The following MROH2B variants were observed in gnomAD, a reference collection of about 807,000 sequenced individuals.
The protein encoded by MROH2B is maestro heat like repeat family member 2B, also known as maestro heat-like repeat-containing protein family member 2B.
A neutral mutation model predicts 208.6 loss-of-function variants in MROH2B; 177 were observed. The observed-to-expected ratio is 0.85, with a 90% CI of 0.75 to 0.96. MROH2B has a LOEUF of 0.96. Among genes scored for constraint, MROH2B ranks in the 40% least tolerant of loss-of-function variants. The pLI, the probability that MROH2B is intolerant of heterozygous loss-of-function variation, is 0.00. For synonymous variants in MROH2B, 728 were observed against 659.0 expected, an observed-to-expected ratio of 1.10 and a Z score of -1.60; for missense variants, 2,002 against 1,878.7, an observed-to-expected ratio of 1.07 and a Z score of -1.21.
rs768549480 is a variant in MROH2B at position 41,018,674 on chromosome 5, G to T, written c.2673+17C>A. On this transcript the variant is annotated intron_variant, in intron 26 of 41. Transcript: ENST00000399564. ...TTAGGGAGAATGAGAATCAGTTTGA[G>T]TGGAGGCTCTACTCACATTAAACAT... The T allele has an allele frequency of 6.2e-7, 1 of 1,610,578 alleles. No homozygotes were observed. Among genetic ancestry groups the T allele is most frequent in the Non-Finnish European group, 8.5e-7 (1 of 1,177,006 alleles).
At position 41,030,090 on chromosome 5, in the gene MROH2B, A is replaced by T. The variant is rs186473342; in HGVS notation, c.2441+2652T>A. Among the ~76,000 whole-genome samples, 613 of 99,864 alleles carry T rather than the reference A, an allele frequency of 6.1e-3. 7 individuals are homozygous for T. Among genetic ancestry groups the T allele is most frequent in the African/African-American group, 0.017 (553 of 32,512 alleles). 65.5% of individuals were successfully genotyped at this position (99,864 alleles called of 152,430 possible). A position where few individuals can be genotyped will look rare whatever the true frequency, so the allele number is the denominator to read the frequency against. Reference sequence around the variant, plus strand: ...AAGAGGTTAATGTCCAGAATAAATTAAAAAAAATATTATAATTAAACAACG... The same window carrying T: ...AAGAGGTTAATGTCCAGAATAAATTTAAAAAAATATTATAATTAAACAACG... On this transcript the variant is annotated intron_variant, in intron 24 of 41. Coordinates refer to ENST00000399564, the MANE Select transcript of MROH2B (RefSeq NM_173489.5).
intron 35 of MROH2B, 118 bp downstream of exon 35, chr5:41,005,413 A>ACC (rs1554046603): frequency 0.019 from 3,956 of 204,250 alleles, 290 homozygotes; most frequent in Non-Finnish European, 0.025. Context: ...CCTCTATGAA[A>ACC]CCCCCCCCCC....
At chr5:41,047,635 G>A (rs1743161033) in intron 17 of MROH2B, 86 bp downstream of exon 17, 6 of 1,186,446 alleles carry the variant, frequency 5.1e-6, no homozygotes. Flanking sequence ...TTATCCTCAG[G>A]AATCTAGTTC....
chr5:41,025,270 A>C (rs1378794973), intron 24 of MROH2B, among the ~76,000 whole-genome samples: 1 of 152,182 alleles, frequency 6.6e-6, no homozygotes, highest in Non-Finnish European at 1.5e-5. Flanking sequence ...AAGATCAACA[A>C]AATTGACAGA....
At chr5:41,016,010 T>C (rs1741936919) in intron 28 of MROH2B, among the ~76,000 whole-genome samples, 1 of 152,230 alleles carries the variant, frequency 6.6e-6, no homozygotes, top group African/African-American at 2.4e-5. Flanking sequence ...TTCTGTTTAT[T>C]ATTTGAATGT....
intron 32 of MROH2B, 139 bp downstream of exon 32, chr5:41,009,141 A>T: frequency 4.1e-6 from 5 of 1,220,400 alleles, no homozygotes; most frequent in Non-Finnish European, 5.6e-6. Flanking sequence ...GTAGAGCCAC[A>T]ACTATAAACT....
chr5:41,038,968 G>C (rs1742855203), intron 20 of MROH2B, 80 bp from the exon 21 acceptor site: 1 of 1,328,832 alleles, frequency 7.5e-7, no homozygotes, highest in Admixed American at 2.1e-5. Flanking sequence ...CTAATCCTGT[G>C]GACCACTATA....
intron 30 of MROH2B, among the ~76,000 whole-genome samples, chr5:41,010,335 T>C (rs1741735822): frequency 6.6e-6 from 1 of 152,184 alleles, no homozygotes; most frequent in Non-Finnish European, 1.5e-5. Context: ...TTGTCGGAAT[T>C]TACCAAAGAT....
rs766089249 is a variant in MROH2B, at chr5:41,008,803, G to A, written c.3421-10C>T. 49 of 1,602,540 alleles carry A rather than the reference G, an allele frequency of 3.1e-5. No homozygotes were observed. In the South Asian group the frequency reaches 4.8e-4, roughly 16 times the overall value. ...ACATAGCACAGGCCACCTGAGGGGA[G>A]AAAGGGCCTCTTGGTCAGGCAGTCT... On this transcript the variant is annotated splice_polypyrimidine_tract_variant and intron_variant, in intron 32 of 41. Transcript: ENST00000399564.
At chr5:41,006,390 G>A (rs1741594539) in intron 34 of MROH2B, among the ~76,000 whole-genome samples, 1 of 152,058 alleles carries the variant, frequency 6.6e-6, no homozygotes, top group African/African-American at 2.4e-5. Context: ...ACTCTTGGTG[G>A]GAATGCAAAC....
intron 34 of MROH2B, among the ~76,000 whole-genome samples, chr5:41,006,048 A>G (rs1741579469): frequency 6.8e-6 from 1 of 147,146 alleles, no homozygotes. Flanking sequence ...AAAAAAAAAG[A>G]AAAAAGAAAA....
At chr5:41,035,017 A>G (rs1742708717) in intron 21 of MROH2B, among the ~76,000 whole-genome samples, 1 of 152,184 alleles carries the variant, frequency 6.6e-6, no homozygotes, top group African/African-American at 2.4e-5. Context: ...GAATGATCAT[A>G]CTGCCCAAAG....
At position 41,071,092 on chromosome 5, in the gene MROH2B, TAACC is replaced by T. The variant is rs1743978271; in HGVS notation, c.-244_-241del. 2.2e-6 allele frequency: 1 copy of T among 458,528 alleles called. No individual in the cohort carries two copies. The highest frequency in any genetic ancestry group is 3.9e-6 in the Non-Finnish European group (1 of 256,908). The allele number at this position is 458,528 out of a possible 1,614,324, so 28.4% of individuals were successfully genotyped here. On this transcript the variant is annotated 5_prime_UTR_variant, in exon 1 of 42. It introduces an in-frame stop codon into an upstream open reading frame of the 5' UTR. Transcript: ENST00000399564. ...CATTGTCTTGCGTCTGAACTCCTGC[TAACC>T]AACAAAATGGCTGCATCTCACCAAA...
intron 21 of MROH2B, among the ~76,000 whole-genome samples, chr5:41,034,641 T>C (rs188649606): frequency 6.8e-5 from 10 of 147,036 alleles, no homozygotes; most frequent in Admixed American, 6.0e-4. Context: ...TTTGTGTATT[T>C]TTAATTTTTT....
chr5:41,065,240 G>T, intron 4 of MROH2B, 91 bp downstream of exon 4: 1 of 1,225,056 alleles, frequency 8.2e-7, no homozygotes. Flanking sequence ...AGGCAGAGAT[G>T]CTATCTCTTC....
chr5:41,042,444 C>T (rs1188675558), intron 18 of MROH2B, among the ~76,000 whole-genome samples: 1 of 152,084 alleles, frequency 6.6e-6, no homozygotes, highest in South Asian at 2.1e-4. Context: ...ATACTTCACC[C>T]CCCATTGTAA....
At chr5:41,015,957 T>G (rs1381660137) in intron 28 of MROH2B, among the ~76,000 whole-genome samples, 1 of 152,234 alleles carries the variant, frequency 6.6e-6, no homozygotes, top group African/African-American at 2.4e-5. Flanking sequence ...TGTAAGTGAT[T>G]GTTGATATCA....
At chr5:41,057,685 T>TCTCCTGCCTC (rs1412347622) in intron 7 of MROH2B, among the ~76,000 whole-genome samples, 1 of 150,382 alleles carries the variant, frequency 6.6e-6, no homozygotes, top group Non-Finnish European at 1.5e-5. Flanking sequence ...GCCTCCCGAG[T>TCTCCTGCCTC]AGCTGGGGCT....
chr5:41,050,858 G>A, intron 13 of MROH2B, 119 bp downstream of exon 13: 1 of 670,768 alleles, frequency 1.5e-6, no homozygotes, highest in South Asian at 2.0e-5. Flanking sequence ...ACTTCCTCTA[G>A]TCAGAGCATC....
Sources: gnomAD v4.1 joint callset for allele counts (sites outside exome capture counted in the v4.1 genomes callset) on GRCh38, gnomAD v4.1.1 for gene constraint, MANE v1.5 for transcripts, NCBI Gene and HGNC (gene_info 2026-07-23, HGNC 2026-07-21) for gene names.